The following SRPK2 variants were observed in gnomAD, a reference collection of about 807,000 sequenced individuals.
SRPK2 encodes SRSF protein kinase 2.
Under a neutral mutation model 90.8 loss-of-function variants are expected in SRPK2, and 21 were observed. That is an observed-to-expected ratio of 0.23 (90% CI 0.16 to 0.33). The LOEUF (loss-of-function observed/expected upper bound fraction) is 0.33. Among genes scored for constraint, SRPK2 ranks in the 10% least tolerant of loss-of-function variants. SRPK2 has a pLI of 1.00. For synonymous variants in SRPK2, 288 were observed against 311.1 expected, an observed-to-expected ratio of 0.93 and a Z score of 0.78; for missense variants, 620 against 869.0, an observed-to-expected ratio of 0.71 and a Z score of 3.60.
At chr7:105,398,308 G>C (rs886942522) in intron 1 of SRPK2, among the ~76,000 whole-genome samples, 2 of 151,676 alleles carry the variant, frequency 1.3e-5, no homozygotes, top group African/African-American at 4.8e-5. Flanking sequence ...TATTTAATAC[G>C]TCATAGAATT....
At chr7:105,298,191 A>G (rs1224486125) in intron 2 of SRPK2, among the ~76,000 whole-genome samples, 1 of 151,924 alleles carries the variant, frequency 6.6e-6, no homozygotes, top group Admixed American at 6.6e-5. Flanking sequence ...CTCCTCTCCC[A>G]CCTCTACCTC....
At chr7:105,269,122 CT>C (rs1805491605) in intron 2 of SRPK2, 1 of 1,101,908 alleles carries the variant, frequency 9.1e-7, no homozygotes, top group African/African-American at 1.6e-5. Context: ...GGGGTGTTTT[CT>C]TTTTTAAGGT....
rs1359735067 is a variant in SRPK2 at position 105,354,187 on chromosome 7, C to T, written c.71+34461G>A. 5.3e-5 allele frequency among the ~76,000 whole-genome samples: 8 copies of T among 152,100 alleles called. No homozygotes were observed. The East Asian group carries it at 1.3e-3, about 26-fold the overall frequency. ...GGGCTAAGTTGACATGGTAACAGGA[C>T]CAGTCACAGGTCTCCCCATGTATGG... On this transcript the variant is annotated intron_variant, in intron 2 of 15. Transcript: ENST00000393651.
Position 105,349,293 on chromosome 7 carries a change from T to C in SRPK2, c.71+39355A>G, listed in dbSNP as rs182563355. On this transcript the variant is annotated intron_variant, in intron 2 of 15. Coordinates refer to ENST00000393651, the MANE Select transcript of SRPK2 (RefSeq NM_182692.3). ...ATCCCAGCACTTTGGGAGGCCAAGG[T>C]AGGCGGATCACTGGAGGTTGGGAGT... Among the ~76,000 whole-genome samples, 718 of 151,430 alleles carry C rather than the reference T, an allele frequency of 4.7e-3. 12 individuals are homozygous for C. The East Asian group carries it at 0.056, about 12-fold the overall frequency.
intron 2 of SRPK2, among the ~76,000 whole-genome samples, chr7:105,324,171 TA>T (rs1430991869): frequency 4.6e-5 from 7 of 151,598 alleles, no homozygotes; most frequent in Admixed American, 1.3e-4. Context: ...TAATTATATA[TA>T]TTTTTTTTGT....
chr7:105,223,719 T>C (rs1277055956), intron 2 of SRPK2, among the ~76,000 whole-genome samples: 2 of 152,346 alleles, frequency 1.3e-5, no homozygotes, highest in South Asian at 2.1e-4. Context: ...TGCACACACA[T>C]ACAAGAGTTT....
chr7:105,377,865 A>C (rs996555420), intron 2 of SRPK2, among the ~76,000 whole-genome samples: 3 of 152,164 alleles, frequency 2.0e-5, no homozygotes, highest in Non-Finnish European at 4.4e-5. Context: ...CTCTCACATT[A>C]AACTGGACAC....
At position 105,126,351 on chromosome 7, in the gene SRPK2, G is replaced by C. The variant is rs774008701; in HGVS notation, c.1823-11C>G. On this transcript the variant is annotated splice_polypyrimidine_tract_variant and intron_variant, in intron 14 of 15. Transcript: ENST00000393651. ...TGTGGGCTATGTGGTCTATGGAGGAGAGAAAAAAAGGATATGGGAATGGGA... is the reference window on the plus strand; with the variant it reads ...TGTGGGCTATGTGGTCTATGGAGGACAGAAAAAAAGGATATGGGAATGGGA... 3 of 1,599,914 alleles carry C rather than the reference G, an allele frequency of 1.9e-6. No homozygotes were observed. The highest frequency in any genetic ancestry group is 1.1e-5 in the South Asian group (1 of 90,412).
chr7:105,290,303 T>G (rs949088333), intron 2 of SRPK2, among the ~76,000 whole-genome samples: 1 of 150,618 alleles, frequency 6.6e-6, no homozygotes, highest in Non-Finnish European at 1.5e-5. Flanking sequence ...TGCAAGCCTG[T>G]TTCTATAAAA....
At chr7:105,274,486 C>T (rs186607444) in intron 2 of SRPK2, among the ~76,000 whole-genome samples, 70 of 151,592 alleles carry the variant, frequency 4.6e-4, no homozygotes, top group African/African-American at 1.7e-3. Context: ...CGCTTCAACC[C>T]GGGAGCTGCA....
At chr7:105,224,890 T>G (rs1798526350) in intron 2 of SRPK2, among the ~76,000 whole-genome samples, 1 of 152,216 alleles carries the variant, frequency 6.6e-6, no homozygotes, top group African/African-American at 2.4e-5. Context: ...AAACTTCTCA[T>G]GATAAAAAGC....
chr7:105,324,345 T>C (rs1427353146), intron 2 of SRPK2, among the ~76,000 whole-genome samples: 2 of 151,096 alleles, frequency 1.3e-5, no homozygotes, highest in East Asian at 2.0e-4. Context: ...TTTTTTGAGA[T>C]GGAGTCTCGC....
intron 7 of SRPK2, among the ~76,000 whole-genome samples, chr7:105,157,876 T>G (rs1806765274): frequency 6.6e-6 from 1 of 152,086 alleles, no homozygotes; most frequent in Non-Finnish European, 1.5e-5. Flanking sequence ...GAGACCAGCC[T>G]GAGCAACACA....
rs749532855 is a variant in SRPK2, at chr7:105,203,797, G to A, written c.72-12C>T. The A allele has an allele frequency of 1.3e-6, 2 of 1,562,068 alleles. No individual in the cohort carries two copies. The highest frequency in any genetic ancestry group is 2.4e-5 in the East Asian group (1 of 41,828). On this transcript the variant is annotated splice_polypyrimidine_tract_variant and intron_variant, in intron 2 of 15. Transcript: ENST00000393651. Reference sequence around the variant, plus strand: ...GTTGAGGCTCCGGCCTGAAAGAGCAGAGAGAAAATTGCTATTTACTTAGAA... The same window carrying A: ...GTTGAGGCTCCGGCCTGAAAGAGCAAAGAGAAAATTGCTATTTACTTAGAA...
intron 2 of SRPK2, among the ~76,000 whole-genome samples, chr7:105,373,482 G>A (rs10236872): frequency 0.97 from 145,276 of 149,736 alleles, 70,621 homozygotes; most frequent in East Asian, 1. Context: ...GGCTCACTTC[G>A]ACCTCCACCT....
At chr7:105,173,668 C>G (rs547117887) in intron 3 of SRPK2, among the ~76,000 whole-genome samples, 1 of 152,150 alleles carries the variant, frequency 6.6e-6, no homozygotes, top group Non-Finnish European at 1.5e-5. Flanking sequence ...GCCCAGCACA[C>G]AAGAAAACAA....
At chr7:105,155,581 A>G (rs553590309) in intron 7 of SRPK2, among the ~76,000 whole-genome samples, 1 of 152,314 alleles carries the variant, frequency 6.6e-6, no homozygotes, top group East Asian at 1.9e-4. Context: ...GGACGCTGCT[A>G]AACATCCTAT....
rs1799561349 is a variant in SRPK2, at chr7:105,232,484, A to T, written c.72-28699T>A. Among the ~76,000 whole-genome samples the T allele has an allele frequency of 2.1e-5, 3 of 144,218 alleles. No individual in the cohort carries two copies. In the Admixed American group the frequency reaches 2.1e-4, roughly 10 times the overall value. 94.6% of individuals were successfully genotyped at this position (144,218 alleles called of 152,430 possible). On this transcript the variant is annotated intron_variant, in intron 2 of 15. Transcript: ENST00000393651. ...AAAAAAAAAAAAAAAAAAAAAAAAG[A>T]TCAAGTTTGCAAAGAGTTTTTAAGT...
intron 2 of SRPK2, among the ~76,000 whole-genome samples, chr7:105,289,574 A>C (rs976948970): frequency 1.3e-5 from 2 of 152,144 alleles, no homozygotes; most frequent in Non-Finnish European, 2.9e-5. Flanking sequence ...ACATAGCAAG[A>C]CCTATCATTA....
Sources: allele counts gnomAD v4.1 joint callset (sites outside exome capture counted in the v4.1 genomes callset), GRCh38; gene constraint gnomAD v4.1.1; transcripts MANE v1.5; gene names NCBI Gene and HGNC (gene_info 2026-07-23, HGNC 2026-07-21).